The following RPUSD1 variants were observed in gnomAD, a reference collection of about 807,000 sequenced individuals.
RPUSD1 encodes the protein pseudouridylate synthase RPUSD1.
Under a neutral mutation model 22.4 loss-of-function variants are expected in RPUSD1, and 28 were observed. The ratio of observed to expected loss-of-function variants is 1.25; its 90% CI spans 0.93 to 1.72. The LOEUF (loss-of-function observed/expected upper bound fraction) is 1.72, where lower values mean the gene tolerates loss of function less well. RPUSD1 is among the 40% of genes most tolerant of loss of function. The pLI is 0.00. For synonymous variants in RPUSD1, 298 were observed against 201.0 expected (o/e 1.48, Z -4.08); for missense variants, 596 against 442.2 (o/e 1.35, Z -3.12).
intron 5 of RPUSD1, 146 bp downstream of exon 5, chr16:786,681 G>A (rs759902426): frequency 1.3e-6 from 1 of 783,812 alleles, no homozygotes; most frequent in Non-Finnish European, 2.2e-6. Context: ...GAGAAGCTGA[G>A]AGGCTGCAGG....
Position 787,630 on chromosome 16 carries a change from C to G in RPUSD1, c.108G>C (p.Glu36Asp), listed in dbSNP as rs748839198. The G allele has an allele frequency of 3.1e-6, 5 of 1,612,028 alleles. No individual in the cohort carries two copies. The highest frequency in any genetic ancestry group is 1.1e-5 in the South Asian group (1 of 91,088). Reference sequence around the variant, plus strand: ...GCAGCTGCTTCTGCAGGGTCAGAGTCTCCCGCCACGCCTTGCTGTCAATGC... The same window carrying G: ...GCAGCTGCTTCTGCAGGGTCAGAGTGTCCCGCCACGCCTTGCTGTCAATGC... ...DVRIDSKAWRETLTLQKQLRY... is the reference protein window; with the variant it reads ...DVRIDSKAWRDTLTLQKQLRY... The change falls in exon 2 of 6, where the codon GAG becomes GAC. Residue 36 changes from glutamate (E) to aspartate (D), a missense_variant. Transcript: ENST00000007264.
At chr16:786,773 T>A (rs746421840) in intron 5 of RPUSD1, 54 bp downstream of exon 5, 2 of 1,445,442 alleles carry the variant, frequency 1.4e-6, no homozygotes, top group Non-Finnish European at 1.9e-6. Flanking sequence ...TTCGTGGCCC[T>A]GTGCCTCAGT....
Position 785,690 on chromosome 16 carries a change from G to T in RPUSD1, c.*260C>A, listed in dbSNP as rs1042293796. 1 of 393,220 alleles carries T rather than the reference G, an allele frequency of 2.5e-6. No homozygotes were observed. Among genetic ancestry groups the T allele is most frequent in the Non-Finnish European group, 4.5e-6 (1 of 223,064 alleles). The allele number at this position is 393,220 out of a possible 1,614,324, so 24.4% of individuals were successfully genotyped here. A position where few individuals can be genotyped will look rare whatever the true frequency, so the allele number is the denominator to read the frequency against. The stretch of plus-strand genomic sequence containing the variant: ...GGAGGGAGGGGCCTCGGTTTCTCCC[G>T]GGGCATGTGGGCAGGAAGGCCCTCG... On this transcript the variant is annotated 3_prime_UTR_variant, in exon 6 of 6. Coordinates refer to ENST00000007264, the MANE Select transcript of RPUSD1 (RefSeq NM_058192.3).
rs1416441008 is a variant in RPUSD1, at chr16:786,359, C to T, written c.530G>A (p.Arg177His). 14 of 1,609,172 alleles carry T rather than the reference C, an allele frequency of 8.7e-6. No individual in the cohort carries two copies. Among genetic ancestry groups the T allele is most frequent in the South Asian group, 3.3e-5 (3 of 90,976 alleles). Residue 177 changes from arginine to histidine, a missense_variant, in exon 6 of 6, where the codon CGC becomes CAC. By Grantham distance (29) the Arg-to-His change is conservative. Transcript: ENST00000007264. ...GTGGCCCAGGGCACTGCAGTGCACG[C>T]GCAGCTGGTGTGTCCGGCCTGCGGG... is the stretch of plus-strand genomic sequence containing the variant. ...KPLTGRTHQLRVHCSALGHPV... is the reference protein window; with the variant it reads ...KPLTGRTHQLHVHCSALGHPV...
Position 786,286 on chromosome 16 carries a change from G to A in RPUSD1, c.603C>T (p.Asp201=). The A allele has an allele frequency of 1.2e-6, 2 of 1,612,742 alleles. No homozygotes were observed. Among genetic ancestry groups the A allele is most frequent in the Non-Finnish European group, 1.7e-6 (2 of 1,179,940 alleles). ...LTYGEVSGRE[D]RPFRMMLHAF... ...CGTGCAGCATCATTCTGAACGGCCG[G>A]TCCTCCCGGCCCGAGACTTCTCCGT... is the stretch of plus-strand genomic sequence containing the variant. The change falls in exon 6 of 6, where the codon GAC becomes GAT. Residue 201 remains aspartate, a synonymous_variant. Coordinates refer to ENST00000007264, the MANE Select transcript of RPUSD1 (RefSeq NM_058192.3).
Position 787,547 on chromosome 16 carries a change from C to A in RPUSD1, c.182+9G>T, listed in dbSNP as rs753985410. The A allele has an allele frequency of 7.5e-6, 12 of 1,608,866 alleles. No homozygotes were observed. The highest frequency in any genetic ancestry group is 5.3e-5 in the African/African-American group (4 of 74,862). On this transcript the variant is annotated intron_variant, in intron 2 of 5. Coordinates refer to ENST00000007264, the MANE Select transcript of RPUSD1 (RefSeq NM_058192.3). ...GACGCCACCGTGGGGCTCCGGCCGC[C>A]CCCCCTACCTGAACCCGTAGCAGGT...
At position 787,913 on chromosome 16, in the gene RPUSD1, G is replaced by A. The variant is rs966564936; in HGVS notation, c.-7-169C>T. 1.7e-5 allele frequency: 11 copies of A among 654,828 alleles called. No homozygotes were observed. The African/African-American group carries it at 1.8e-4, about 11-fold the overall frequency. The allele number at this position is 654,828 out of a possible 1,614,324, so 40.6% of individuals were successfully genotyped here. A position where few individuals can be genotyped will look rare whatever the true frequency, so the allele number is the denominator to read the frequency against. On this transcript the variant is annotated intron_variant, in intron 1 of 5. Coordinates refer to ENST00000007264, the MANE Select transcript of RPUSD1 (RefSeq NM_058192.3). ...TCAGTCCCCGAGATCAGTCCCCAGG[G>A]CGTCAGCTGGGGAGTCAAGGAGTCA...
At position 785,843 on chromosome 16, in the gene RPUSD1, G is replaced by A. The variant is rs553463159; in HGVS notation, c.*107C>T. Reference sequence around the variant, plus strand: ...GCCGGGGCAACCCAGTGGGCCTGATGCTGCCTGGCACCTCGAGGCCCCAGA... The same window carrying A: ...GCCGGGGCAACCCAGTGGGCCTGATACTGCCTGGCACCTCGAGGCCCCAGA... On this transcript the variant is annotated 3_prime_UTR_variant, in exon 6 of 6. Transcript: ENST00000007264. 2.1e-4 allele frequency: 222 copies of A among 1,072,492 alleles called. 4 individuals are homozygous for A. The South Asian group carries it at 5.1e-3, about 25-fold the overall frequency. The allele number at this position is 1,072,492 out of a possible 1,614,324, so 66.4% of individuals were successfully genotyped here. A position where few individuals can be genotyped will look rare whatever the true frequency, so the allele number is the denominator to read the frequency against.
Position 785,278 on chromosome 16 carries a change from A to G in RPUSD1, c.*672T>C, listed in dbSNP as rs2041863807. ...CCTGACCAACCCCTGTGCACCAAAC[A>G]CCACACTGAGCTCAGAATCCGGGCA... is the stretch of plus-strand genomic sequence containing the variant. On this transcript the variant is annotated 3_prime_UTR_variant, in exon 6 of 6. Coordinates refer to ENST00000007264, the MANE Select transcript of RPUSD1 (RefSeq NM_058192.3). 6.6e-6 allele frequency: 1 copy of G among 152,504 alleles called. No individual in the cohort carries two copies. The highest frequency in any genetic ancestry group is 2.4e-5 in the African/African-American group (1 of 41,464). 9.4% of individuals were successfully genotyped at this position (152,504 alleles called of 1,614,324 possible). A position where few individuals can be genotyped will look rare whatever the true frequency, so the allele number is the denominator to read the frequency against.
In RPUSD1 at chr16:786,916, G is replaced by A. The variant is rs1359495379; in HGVS notation, c.422C>T (p.Pro141Leu). The change falls in exon 5 of 6, where the codon CCA becomes CTA. Residue 141 changes from proline (P) to leucine (L), a missense_variant. Coordinates refer to ENST00000007264, the MANE Select transcript of RPUSD1 (RefSeq NM_058192.3). ...CIEGSQGCEN[P>L]KPSLTDLVVL... The stretch of plus-strand genomic sequence containing the variant: ...CACGAGATCTGTGAGGCTTGGCTTT[G>A]GGTTCTCACAACCTGGGGCGCAGAA... 2.5e-6 allele frequency: 4 copies of A among 1,612,974 alleles called. No individual in the cohort carries two copies. Among genetic ancestry groups the A allele is most frequent in the African/African-American group, 1.3e-5 (1 of 75,022 alleles).
chr16:787,487 G>T lies in RPUSD1; in HGVS notation c.183-10C>A. ...CAGCTGGTGGCAGAACCTGGAGTGG[G>T]ACAGAGTCCAGAGTCTGAGCCACTT... On this transcript the variant is annotated splice_polypyrimidine_tract_variant and intron_variant, in intron 2 of 5. Coordinates refer to ENST00000007264, the MANE Select transcript of RPUSD1 (RefSeq NM_058192.3). The T allele has an allele frequency of 6.3e-7, 1 of 1,589,638 alleles. No homozygotes were observed.
In RPUSD1 at chr16:786,191, G is replaced by A. The variant is rs2041902299; in HGVS notation, c.698C>T (p.Ser233Phe). ...EVCTPDPFLP[S>F]LDACWSPHTL... ...GTGGGGGCTCCAGCAGGCATCCAGGGAGGGCAGGAAGGGGTCAGGCGTGCA... is the reference window on the plus strand; with the variant it reads ...GTGGGGGCTCCAGCAGGCATCCAGGAAGGGCAGGAAGGGGTCAGGCGTGCA... Residue 233 changes from serine (S) to phenylalanine (F), a missense_variant, in exon 6 of 6, where the codon TCC becomes TTC. Physicochemically the swap from Ser to Phe is radical, Grantham distance 155 (BLOSUM62 -2). Transcript: ENST00000007264. The A allele has an allele frequency of 1.9e-6, 3 of 1,612,726 alleles. No homozygotes were observed. The highest frequency in any genetic ancestry group is 1.7e-6 in the Non-Finnish European group (2 of 1,179,904).
chr16:786,753 C>T (rs763939012), intron 5 of RPUSD1, 74 bp downstream of exon 5: 7 of 1,254,414 alleles, frequency 5.6e-6, no homozygotes, highest in Non-Finnish European at 7.0e-6. Flanking sequence ...CAGGGTGGCC[C>T]AACATAAGCT....
chr16:788,276 C>G lies in RPUSD1; in HGVS notation c.-28G>C. 1 of 277,564 alleles carries G rather than the reference C, an allele frequency of 3.6e-6. No individual in the cohort carries two copies. The highest frequency in any genetic ancestry group is 2.9e-5 in the South Asian group (1 of 34,776). The allele number at this position is 277,564 out of a possible 1,614,324, so 17.2% of individuals were successfully genotyped here. On this transcript the variant is annotated 5_prime_UTR_variant, in exon 1 of 6. Coordinates refer to ENST00000007264, the MANE Select transcript of RPUSD1 (RefSeq NM_058192.3). ...CCAACCTGCTGCCGGGCCGTGCAGT[C>G]CAGGCCCCCGATGCCGTGCCCGGCG...
At position 785,906 on chromosome 16, in the gene RPUSD1, G is replaced by A. The variant is rs2041886263; in HGVS notation, c.*44C>T. 6 of 1,403,634 alleles carry A rather than the reference G, an allele frequency of 4.3e-6. No individual in the cohort carries two copies. The highest frequency in any genetic ancestry group is 1.4e-5 in the African/African-American group (1 of 69,034). The allele number at this position is 1,403,634 out of a possible 1,614,324, so 86.9% of individuals were successfully genotyped here. On this transcript the variant is annotated 3_prime_UTR_variant, in exon 6 of 6. Coordinates refer to ENST00000007264, the MANE Select transcript of RPUSD1 (RefSeq NM_058192.3). ...ACGCTCGCTCGCCCATCTCCCTAGAGTCCCGCTGTGCAGCTGACACCCCCT... is the reference window on the plus strand; with the variant it reads ...ACGCTCGCTCGCCCATCTCCCTAGAATCCCGCTGTGCAGCTGACACCCCCT...
chr16:785,743 G>C lies in RPUSD1; in HGVS notation c.*207C>G. ...ATCCCGCATCAGTCCCACGGCCGCGGTGCGGTCGTCACCTGTGATCACGGC... is the reference window on the plus strand; with the variant it reads ...ATCCCGCATCAGTCCCACGGCCGCGCTGCGGTCGTCACCTGTGATCACGGC... On this transcript the variant is annotated 3_prime_UTR_variant, in exon 6 of 6. Coordinates refer to ENST00000007264, the MANE Select transcript of RPUSD1 (RefSeq NM_058192.3). 1 of 430,942 alleles carries C rather than the reference G, an allele frequency of 2.3e-6. No homozygotes were observed. The highest frequency in any genetic ancestry group is 4.0e-6 in the Non-Finnish European group (1 of 250,602). The allele number at this position is 430,942 out of a possible 1,614,324, so 26.7% of individuals were successfully genotyped here. A position where few individuals can be genotyped will look rare whatever the true frequency, so the allele number is the denominator to read the frequency against.
intron 5 of RPUSD1, 92 bp from the exon 6 acceptor site, chr16:786,469 G>T (rs1352228980): frequency 1.5e-6 from 2 of 1,322,092 alleles, no homozygotes; most frequent in Middle Eastern, 2.4e-4. Flanking sequence ...TCATGACCCC[G>T]CTGCAGTCTT....
chr16:786,743 C>G (rs759716074), intron 5 of RPUSD1, 84 bp downstream of exon 5: 29 of 1,114,784 alleles, frequency 2.6e-5, no homozygotes, highest in Non-Finnish European at 5.5e-6. Flanking sequence ...CCCTGATGCT[C>G]AGGGTGGCCC....
Position 785,578 on chromosome 16 carries a change from C to G in RPUSD1, c.*372G>C, listed in dbSNP as rs1163412576. Reference sequence around the variant, plus strand: ...CTGGAGGCAAAGCCTATCCCAAAACCTGGCCCTGCCTCTTCCTGAGGTGAC... The same window carrying G: ...CTGGAGGCAAAGCCTATCCCAAAACGTGGCCCTGCCTCTTCCTGAGGTGAC... On this transcript the variant is annotated 3_prime_UTR_variant, in exon 6 of 6. Transcript: ENST00000007264. 1 of 206,984 alleles carries G rather than the reference C, an allele frequency of 4.8e-6. No individual in the cohort carries two copies. Among genetic ancestry groups the G allele is most frequent in the Non-Finnish European group, 9.6e-6 (1 of 104,278 alleles). 12.8% of individuals were successfully genotyped at this position (206,984 alleles called of 1,614,324 possible). A position where few individuals can be genotyped will look rare whatever the true frequency, so the allele number is the denominator to read the frequency against.
Sources: gnomAD v4.1 joint callset for allele counts on GRCh38, gnomAD v4.1.1 for gene constraint, MANE v1.5 for transcripts, NCBI Gene and HGNC (gene_info 2026-07-23, HGNC 2026-07-21) for gene names.